Variants in GRIN3A observed in about 807,000 individuals in gnomAD.
GRIN3A encodes the protein glutamate ionotropic receptor NMDA type subunit 3A.
GRIN3A carries 47 observed loss-of-function variants against 92.4 expected under a neutral mutation model. The ratio of observed to expected loss-of-function variants is 0.51; its 90% CI spans 0.40 to 0.65. The LOEUF (loss-of-function observed/expected upper bound fraction) is 0.65, where lower values mean the gene tolerates loss of function less well. Among genes scored for constraint, GRIN3A ranks in the 30% least tolerant of loss-of-function variants. The pLI, the probability that GRIN3A is intolerant of heterozygous loss-of-function variation, is 0.00. For missense variants in GRIN3A, 1,324 were observed against 1,393.1 expected (o/e 0.95, Z 0.79); for synonymous variants, 527 against 540.6 (o/e 0.97, Z 0.35).
rs772123050 is a variant in GRIN3A, at chr9:101,650,660, T to C, written c.2352+19400A>G. ...TATGGTTGTTTGTTTTGCAATATTA[T>C]CATAGAAATAGGTGACTGATACAGT... On this transcript the variant is annotated intron_variant, in intron 3 of 8. Transcript: ENST00000361820. 4.6e-4 allele frequency among the ~76,000 whole-genome samples: 70 copies of C among 152,018 alleles called. 1 individual carries two copies. The highest frequency in any genetic ancestry group is 1.6e-4 in the Non-Finnish European group (11 of 67,972).
intron 3 of GRIN3A, among the ~76,000 whole-genome samples, chr9:101,664,780 TC>T (rs1313802587): frequency 1.3e-5 from 2 of 151,992 alleles, no homozygotes; most frequent in African/African-American, 4.8e-5. Flanking sequence ...ATATTCACCC[TC>T]TTAATTCTTA....
At chr9:101,710,973 A>G (rs1462730800) in intron 1 of GRIN3A, among the ~76,000 whole-genome samples, 1 of 152,238 alleles carries the variant, frequency 6.6e-6, no homozygotes, top group Non-Finnish European at 1.5e-5. Context: ...ATTAATAACA[A>G]TAACTAATAA....
chr9:101,667,250 A>G (rs1309583048), intron 3 of GRIN3A, among the ~76,000 whole-genome samples: 1 of 151,954 alleles, frequency 6.6e-6, no homozygotes. Context: ...ACATTATATT[A>G]CAAAATAGGT....
At chr9:101,696,172 T>A (rs1321380475) in intron 1 of GRIN3A, among the ~76,000 whole-genome samples, 1 of 152,222 alleles carries the variant, frequency 6.6e-6, no homozygotes, top group African/African-American at 2.4e-5. Context: ...ACTTGCATTT[T>A]TCAACTTTGA....
chr9:101,698,442 G>A (rs765880468), intron 1 of GRIN3A, among the ~76,000 whole-genome samples: 14 of 152,100 alleles, frequency 9.2e-5, no homozygotes, highest in Non-Finnish European at 1.5e-4. Flanking sequence ...GTCACTTAAC[G>A]ATGAGGGTAC....
intron 1 of GRIN3A, 146 bp downstream of exon 1, chr9:101,737,134 AC>A (rs1830217894): frequency 2.8e-6 from 2 of 703,220 alleles, no homozygotes; most frequent in African/African-American, 1.8e-5. Context: ...CCTACCACCT[AC>A]GAACATGGCC....
chr9:101,627,324 T>A (rs982648967), intron 4 of GRIN3A, among the ~76,000 whole-genome samples: 3 of 152,322 alleles, frequency 2.0e-5, no homozygotes, highest in African/African-American at 7.2e-5. Context: ...GTCCATAAAA[T>A]TTTTTAAGTG....
At chr9:101,658,250 G>C (rs899750428) in intron 3 of GRIN3A, among the ~76,000 whole-genome samples, 1 of 151,906 alleles carries the variant, frequency 6.6e-6, no homozygotes, top group African/African-American at 2.4e-5. Context: ...TCAATTTAAA[G>C]CAGATAGCAT....
rs774644728 is a variant in GRIN3A, at chr9:101,737,518, G to A, written c.462C>T (p.Ile154=). ...GTGGCAGATCGCCCAGGCCTGCCTCGATGGCCATCACTACTTCCAAAGACA... is the reference window on the plus strand; with the variant it reads ...GTGGCAGATCGCCCAGGCCTGCCTCAATGGCCATCACTACTTCCAAAGACA... ...YNLSLEVVMA[I]EAGLGDLPLL... is the part of the protein sequence containing the mutation. Residue 154 remains isoleucine, a synonymous_variant, in exon 1 of 9, where the codon ATC becomes ATT. Transcript: ENST00000361820. 2.5e-6 allele frequency: 4 copies of A among 1,614,236 alleles called. No individual in the cohort carries two copies. The highest frequency in any genetic ancestry group is 3.4e-6 in the Non-Finnish European group (4 of 1,180,032).
chr9:101,616,950 C>T lies in GRIN3A; in HGVS notation c.2615-3423G>A, dbSNP rs542579955. 3.5e-4 allele frequency among the ~76,000 whole-genome samples: 53 copies of T among 150,308 alleles called. 1 individual carries two copies. In the South Asian group the frequency reaches 9.3e-3, roughly 26 times the overall value. On this transcript the variant is annotated intron_variant, in intron 5 of 8. Transcript: ENST00000361820. ...GCGCAGTGGCTCACGCCAGTAATCT[C>T]GGCACTTTGGGAGGCCAAGGTGGCC... is the stretch of plus-strand genomic sequence containing the variant.
chr9:101,633,457 C>T (rs1828738989), intron 3 of GRIN3A, among the ~76,000 whole-genome samples: 1 of 152,148 alleles, frequency 6.6e-6, no homozygotes, highest in Non-Finnish European at 1.5e-5. Flanking sequence ...GTCTAATCAT[C>T]CACTAATGTC....
At chr9:101,617,559 C>T (rs1475472083) in intron 5 of GRIN3A, among the ~76,000 whole-genome samples, 6 of 151,616 alleles carry the variant, frequency 4.0e-5, no homozygotes, top group African/African-American at 1.5e-4. Flanking sequence ...GATTACTATC[C>T]CTTTAAAATT....
chr9:101,656,799 A>G (rs1189832868), intron 3 of GRIN3A, among the ~76,000 whole-genome samples: 1 of 151,904 alleles, frequency 6.6e-6, no homozygotes, highest in East Asian at 2.0e-4. Flanking sequence ...AAAGACAAGG[A>G]AAAAGTCAGT....
intron 3 of GRIN3A, among the ~76,000 whole-genome samples, chr9:101,650,222 T>C (rs548703561): frequency 6.6e-6 from 1 of 152,138 alleles, no homozygotes; most frequent in South Asian, 2.1e-4. Flanking sequence ...ATTAAGTAGG[T>C]GCAGTGGACT....
chr9:101,669,975 A>C, intron 3 of GRIN3A, 85 bp downstream of exon 3: 2 of 1,041,214 alleles, frequency 1.9e-6, no homozygotes, highest in South Asian at 2.6e-5. Flanking sequence ...GTTAGATGGA[A>C]GAACATGAGC....
intron 1 of GRIN3A, among the ~76,000 whole-genome samples, chr9:101,693,173 G>T (rs1829641266): frequency 6.6e-6 from 1 of 151,678 alleles, no homozygotes; most frequent in African/African-American, 2.4e-5. Context: ...GGGAGGCTGA[G>T]GTGGTAGATC....
intron 1 of GRIN3A, among the ~76,000 whole-genome samples, chr9:101,730,309 A>G (rs7041051): frequency 0.14 from 21,251 of 152,072 alleles, 2,686 homozygotes; most frequent in African/African-American, 0.32. Flanking sequence ...TTATAGACAC[A>G]TTGCGAATGC....
chr9:101,708,425 T>C (rs1392555138), intron 1 of GRIN3A, among the ~76,000 whole-genome samples: 1 of 152,160 alleles, frequency 6.6e-6, no homozygotes, highest in Admixed American at 6.6e-5. Flanking sequence ...TTTTCTTCCA[T>C]TGGCACTAGG....
chr9:101,638,923 TTAAC>T (rs1242949491), intron 3 of GRIN3A, among the ~76,000 whole-genome samples: 15 of 152,198 alleles, frequency 9.9e-5, no homozygotes, highest in South Asian at 4.1e-4. Context: ...CTGTAGGAGT[TTAAC>T]TAGCCCATAA....
Sources: allele counts gnomAD v4.1 joint callset (sites outside exome capture counted in the v4.1 genomes callset), GRCh38; gene constraint gnomAD v4.1.1; transcripts MANE v1.5; gene names NCBI Gene and HGNC (gene_info 2026-07-23, HGNC 2026-07-21).